The following PIGO variants were observed in gnomAD, a reference collection of about 807,000 sequenced individuals.
PIGO encodes phosphatidylinositol glycan anchor biosynthesis class O, also known as GPI ethanolamine phosphate transferase 3, catalytic subunit.
In PIGO, 66 loss-of-function variants were observed where a neutral mutation model predicts 86.9. The ratio of observed to expected loss-of-function variants is 0.76; its 90% confidence interval spans 0.62 to 0.93. PIGO has a LOEUF of 0.93. PIGO is among the 40% of genes least tolerant of loss of function. The pLI, the probability that PIGO is intolerant of heterozygous loss-of-function variation, is 0.00. For synonymous variants in PIGO, 570 were observed against 556.4 expected (o/e 1.02, Z -0.34); for missense variants, 1,202 against 1,359.1 (o/e 0.88, Z 1.82).
At position 35,093,423 on chromosome 9, in the gene PIGO, C is replaced by G. The variant is rs747260799; in HGVS notation, c.937G>C (p.Glu313Gln). The change falls in exon 5 of 11, where the codon GAG becomes CAG. Residue 313 changes from glutamate (E) to glutamine (Q), a missense_variant and splice_region_variant. By Grantham distance (29) the Glu-to-Gln change is conservative (BLOSUM62 2). Transcript: ENST00000378617. The part of the protein sequence containing the change: ...PTAVFPSTPP[E>Q]EPEVIPQVSL... Reference sequence around the variant, plus strand: ...ATGAGGAACATCCCAGGCCTCACCTCTGGTGGGGTGCTGGGGAAGACTGCT... The same window carrying G: ...ATGAGGAACATCCCAGGCCTCACCTGTGGTGGGGTGCTGGGGAAGACTGCT... 35 of 1,613,988 alleles carry G rather than the reference C, an allele frequency of 2.2e-5. No individual in the cohort carries two copies. The highest frequency in any genetic ancestry group is 3.0e-5 in the Non-Finnish European group (35 of 1,180,006).
intron 2 of PIGO, 61 bp from the exon 3 acceptor site, chr9:35,094,420 G>A (rs1829576863): frequency 9.6e-6 from 15 of 1,557,840 alleles, no homozygotes; most frequent in Non-Finnish European, 1.2e-5. Flanking sequence ...GAGAAAAGAG[G>A]AAAAGAGGCC....
Position 35,093,136 on chromosome 9 carries a change from C to T in PIGO, c.1013G>A (p.Gly338Glu), listed in dbSNP as rs749274989. The change falls in exon 6 of 11, where the codon GGG becomes GAG. Residue 338 changes from glycine (G) to glutamate (E), a missense_variant. By Grantham distance (98) the Gly-to-Glu change is moderately conservative (BLOSUM62 -2). Transcript: ENST00000378617. ...CTCAGCCATCACTTCCCCGATATTC[C>T]CAAATGGGATGGGCAGGCCCAGCAG... ...ALLLGLPIPF[G>E]NIGEVMAELF... The T allele has an allele frequency of 2.5e-5, 40 of 1,614,042 alleles. No individual in the cohort carries two copies. Among genetic ancestry groups the T allele is most frequent in the Middle Eastern group, 1.6e-4 (1 of 6,084 alleles).
At position 35,092,265 on chromosome 9, in the gene PIGO, G is replaced by A. The variant is rs748438924; in HGVS notation, c.1622C>T (p.Thr541Ile). 2 of 1,614,196 alleles carry A rather than the reference G, an allele frequency of 1.2e-6. No individual in the cohort carries two copies. The highest frequency in any genetic ancestry group is 3.3e-5 in the Admixed American group (2 of 60,026). Residue 541 changes from threonine (T) to isoleucine (I), a missense_variant, in exon 7 of 11, where the codon ACC becomes ATC. Transcript: ENST00000378617. ...AGWGSKRPLA[T>I]LFPIPGPVLL... ...GACGGGCCCAGGGATGGGAAACAGG[G>A]TTGCCAGGGGCCTCTTGGACCCCCA...
intron 7 of PIGO, 152 bp downstream of exon 7, chr9:35,091,088 G>C (rs1309020245): frequency 1.2e-6 from 1 of 864,966 alleles, no homozygotes; most frequent in African/African-American, 1.7e-5. Context: ...TGGCAGGTAA[G>C]AGAGAGGACA....
rs1403673671 is a variant in PIGO, at chr9:35,088,868, G to A, written c.*224C>T. ...CCTATTTTATTCCACTTCGGAGACC[G>A]CCCCCCTTGTCCCTCAGATGCATCC... On this transcript the variant is annotated 3_prime_UTR_variant, in exon 11 of 11. Transcript: ENST00000378617. 6 of 548,246 alleles carry A rather than the reference G, an allele frequency of 1.1e-5. No homozygotes were observed. Among genetic ancestry groups the A allele is most frequent in the East Asian group, 3.6e-5 (1 of 28,058 alleles). The allele number at this position is 548,246 out of a possible 1,614,324, so 34.0% of individuals were successfully genotyped here.
intron 9 of PIGO, 164 bp from the exon 10 acceptor site, chr9:35,089,614 C>A: frequency 4.1e-6 from 6 of 1,459,178 alleles, no homozygotes; most frequent in Non-Finnish European, 4.5e-6. Flanking sequence ...GACCTACTTC[C>A]TGCCCTGCCC....
At position 35,092,184 on chromosome 9, in the gene PIGO, G is replaced by A. The variant is rs755748601; in HGVS notation, c.1703C>T (p.Ala568Val). The A allele has an allele frequency of 1.3e-5, 21 of 1,614,208 alleles. No individual in the cohort carries two copies. The South Asian group carries it at 2.0e-4, about 15-fold the overall frequency. Reference sequence around the variant, plus strand: ...AAGGAAGGGGGTGGCCCTGGCCTCAGCTACAACAAAACTATCAGAGAAGAA... The same window carrying A: ...AAGGAAGGGGGTGGCCCTGGCCTCAACTACAACAAAACTATCAGAGAAGAA... ...AVFFSDSFVV[A>V]EARATPFLLG... is the part of the protein sequence containing the mutation. Residue 568 changes from alanine to valine, a missense_variant, in exon 7 of 11, where the codon GCT (alanine) becomes GTT (valine). Transcript: ENST00000378617.
chr9:35,093,841 A>T, intron 4 of PIGO, 60 bp downstream of exon 4: 4 of 1,593,762 alleles, frequency 2.5e-6, no homozygotes, highest in Non-Finnish European at 3.4e-6. Context: ...CTCTAAGATA[A>T]GAGCTTCTTC....
Position 35,093,978 on chromosome 9 carries a change from C to T in PIGO, c.702G>A (p.Val234=). ...WDVLIAHFLG[V]DHCGHKHGPH... is the part of the protein sequence containing the mutation. Reference sequence around the variant, plus strand: ...GGCCATGCTTGTGGCCACAGTGGTCCACACCCAGGAAGTGAGCAATCAGCA... The same window carrying T: ...GGCCATGCTTGTGGCCACAGTGGTCTACACCCAGGAAGTGAGCAATCAGCA... Residue 234 remains valine (V), a synonymous_variant, in exon 4 of 11, where the codon GTG becomes GTA. Coordinates refer to ENST00000378617, the MANE Select transcript of PIGO (RefSeq NM_032634.4). 1 of 1,614,174 alleles carries T rather than the reference C, an allele frequency of 6.2e-7. No homozygotes were observed. Among genetic ancestry groups the T allele is most frequent in the Non-Finnish European group, 8.5e-7 (1 of 1,180,036 alleles).
chr9:35,091,490 T>C lies in PIGO; in HGVS notation c.2397A>G (p.Gln799=), dbSNP rs1587162510. ...SQADLDYVVP[Q]IYRHMQEEFR... ...ACTCCTCCTGCATGTGTCGGTAGAT[T>C]TGAGGGACCACATAATCCAAGTCAG... The change falls in exon 7 of 11, where the codon CAA becomes CAG. Residue 799 remains glutamine, a synonymous_variant. Coordinates refer to ENST00000378617, the MANE Select transcript of PIGO (RefSeq NM_032634.4). 1.2e-6 allele frequency: 2 copies of C among 1,614,142 alleles called. No individual in the cohort carries two copies. Among genetic ancestry groups the C allele is most frequent in the African/African-American group, 1.3e-5 (1 of 75,044 alleles).
chr9:35,093,086 G>A lies in PIGO; in HGVS notation c.1063C>T (p.Gln355Ter), dbSNP rs1456036952. The change falls in exon 6 of 11, where the codon CAG (glutamine) becomes TAG (stop). Residue 355 changes from glutamine (Q) to a stop codon, truncating the protein, a stop_gained. Transcript: ENST00000378617. LOFTEE classifies it high-confidence loss of function. Reference protein sequence around the residue: ...AELFSGGEDSQPHSSALAQAS... With the variant: ...AELFSGGEDS ...TGGGCTAAAGCAGAGGAGTGGGGCTGGGAGTCCTCACCCCCTGAGAATAGC... is the reference window on the plus strand; with the variant it reads ...TGGGCTAAAGCAGAGGAGTGGGGCTAGGAGTCCTCACCCCCTGAGAATAGC... 1 of 1,614,138 alleles carries A rather than the reference G, an allele frequency of 6.2e-7. No individual in the cohort carries two copies. The highest frequency in any genetic ancestry group is 1.3e-5 in the African/African-American group (1 of 75,056).
Position 35,091,261 on chromosome 9 carries a change from C to T in PIGO, c.2626G>A (p.Gly876Arg). ...SFLLLHLLAA[G>R]IPVTTPGPFT... ...TTACCAGGGGTGGTGACGGGTATCC[C>T]AGCAGCAAGCAGATGTAGGAGAAGG... is the stretch of plus-strand genomic sequence containing the variant. The change falls in exon 7 of 11, where the codon GGG (glycine) becomes AGG (arginine). Residue 876 changes from glycine (G) to arginine (R), a missense_variant. By Grantham distance (125) the Gly-to-Arg change is moderately radical. Coordinates refer to ENST00000378617, the MANE Select transcript of PIGO (RefSeq NM_032634.4). 2 of 1,601,168 alleles carry T rather than the reference C, an allele frequency of 1.2e-6. No individual in the cohort carries two copies. The highest frequency in any genetic ancestry group is 2.2e-5 in the East Asian group (1 of 44,720).
intron 10 of PIGO, 25 bp downstream of exon 10, chr9:35,089,355 C>T (rs1829311656): frequency 6.2e-7 from 1 of 1,614,098 alleles, no homozygotes; most frequent in African/African-American, 1.3e-5. Context: ...CCCACCACCT[C>T]TACTTCTCAA....
chr9:35,093,804 G>C, intron 4 of PIGO, 97 bp downstream of exon 4: 1 of 1,549,994 alleles, frequency 6.5e-7, no homozygotes, highest in South Asian at 1.2e-5. Context: ...AAGGCCTAGA[G>C]AAGACAGAAT....
Position 35,090,637 on chromosome 9 carries a change from A to C in PIGO, c.2683T>G (p.Trp895Gly). ...AAGGTCTGTGTGGCCATGAGGGCCC[A>C]AGCCGAGACTGCCTGCCATGGCACA... ...FTVPWQAVSAWALMATQTFYS... is the reference protein window; with the variant it reads ...FTVPWQAVSAGALMATQTFYS... The change falls in exon 8 of 11, where the codon TGG becomes GGG. Residue 895 changes from tryptophan to glycine, a missense_variant. Transcript: ENST00000378617. 6.2e-7 allele frequency: 1 copy of C among 1,614,164 alleles called. No individual in the cohort carries two copies. Among genetic ancestry groups the C allele is most frequent in the Non-Finnish European group, 8.5e-7 (1 of 1,180,030 alleles).
intron 1 of PIGO, chr9:35,095,815 A>G: frequency 2.5e-6 from 1 of 393,482 alleles, no homozygotes; most frequent in Non-Finnish European, 4.5e-6. Flanking sequence ...GGAGTTCGAG[A>G]CCAGCCTGGC....
chr9:35,094,160 A>C lies in PIGO; in HGVS notation c.655+56T>G, dbSNP rs574617624. 106 of 1,561,808 alleles carry C rather than the reference A, an allele frequency of 6.8e-5. No homozygotes were observed. In the East Asian group the frequency reaches 2.2e-3, roughly 32 times the overall value. On this transcript the variant is annotated intron_variant, in intron 3 of 10. Transcript: ENST00000378617. ...TAGGTGGCTCAGAATTTGTGGACTA[A>C]AGCAGTTCTCCCCAGCTCCCAGTCT...
chr9:35,090,031 A>G (rs773835919), intron 9 of PIGO, 35 bp downstream of exon 9: 1 of 1,590,848 alleles, frequency 6.3e-7, no homozygotes, highest in South Asian at 1.1e-5. Flanking sequence ...CACAGAGAAA[A>G]AACACCAACT....
At chr9:35,089,983 T>C in intron 9 of PIGO, 83 bp downstream of exon 9, 1 of 1,525,462 alleles carries the variant, frequency 6.6e-7, no homozygotes, top group Non-Finnish European at 8.9e-7. Context: ...CAAGGCTCTC[T>C]CCCACGGTTT....
Sources: gnomAD v4.1 joint callset for allele counts on GRCh38, gnomAD v4.1.1 for gene constraint, MANE v1.5 for transcripts, NCBI Gene and HGNC (gene_info 2026-07-23, HGNC 2026-07-21) for gene names.